Variants in PKP1 observed in about 807,000 individuals in gnomAD.
PKP1 encodes the protein plakophilin 1, also known as plakophilin-1.
PKP1 carries 27 observed loss-of-function variants against 76.4 expected under a neutral mutation model. That is an observed-to-expected ratio of 0.35 (90% CI 0.26 to 0.49). The LOEUF (loss-of-function observed/expected upper bound fraction) is 0.49. Ranked by LOEUF, PKP1 falls within the 20% of genes least tolerant of loss-of-function variation. The probability of loss-of-function intolerance (pLI) is 0.99; values close to 1 mark genes in which losing one functional copy is unlikely to be tolerated. For synonymous variants in PKP1, 404 were observed against 384.2 expected, an observed-to-expected ratio of 1.05 and a Z score of -0.60; for missense variants, 964 against 955.2, an observed-to-expected ratio of 1.01 and a Z score of -0.12.
At position 201,287,967 on chromosome 1, in the gene PKP1, A is replaced by G. The variant is rs1339281241; in HGVS notation, c.202+4063A>G. Among the ~76,000 whole-genome samples the G allele has an allele frequency of 2.0e-5, 3 of 152,226 alleles. No homozygotes were observed. The East Asian group carries it at 5.8e-4, about 29-fold the overall frequency. Reference sequence around the variant, plus strand: ...ACATGTATACACACATAGGTCACACATGCATATATGCATGTATACACAATA... The same window carrying G: ...ACATGTATACACACATAGGTCACACGTGCATATATGCATGTATACACAATA... On this transcript the variant is annotated intron_variant, in intron 1 of 13. Transcript: ENST00000367324.
chr1:201,307,151 G>A lies in PKP1; in HGVS notation c.307-6015G>A, dbSNP rs888785482. Among the ~76,000 whole-genome samples the A allele has an allele frequency of 5.9e-5, 9 of 152,274 alleles. No individual in the cohort carries two copies. The East Asian group carries it at 1.4e-3, about 23-fold the overall frequency. ...GGGCACTGCTGGTCTCGGGGTGCTG[G>A]TGATGGCATTGTGGGTGCAGCTCCC... is the stretch of plus-strand genomic sequence containing the variant. On this transcript the variant is annotated intron_variant, in intron 2 of 13. Coordinates refer to ENST00000367324, the MANE Select transcript of PKP1 (RefSeq NM_001005337.3).
At position 201,322,069 on chromosome 1, in the gene PKP1, C is replaced by T. The variant is rs796851710; in HGVS notation, c.1439C>T (p.Ala480Val). ...CGCTACCGCCAGCTGGAGTATAACGCCCGCAACGCCTACACCGAGAAGTCC... is the reference window on the plus strand; with the variant it reads ...CGCTACCGCCAGCTGGAGTATAACGTCCGCAACGCCTACACCGAGAAGTCC... ...PTRYRQLEYN[A>V]RNAYTEKSST... The change falls in exon 8 of 14, where the codon GCC becomes GTC. Residue 480 changes from alanine (A) to valine (V), a missense_variant. Ala to Val is a moderately conservative substitution (Grantham distance 64, BLOSUM62 0). Coordinates refer to ENST00000367324, the MANE Select transcript of PKP1 (RefSeq NM_001005337.3). 5 of 1,613,470 alleles carry T rather than the reference C, an allele frequency of 3.1e-6. No individual in the cohort carries two copies. Among genetic ancestry groups the T allele is most frequent in the South Asian group, 1.1e-5 (1 of 91,038 alleles).
intron 8 of PKP1, among the ~76,000 whole-genome samples, 182 bp from the exon 9 acceptor site, chr1:201,322,831 C>T (rs939469160): frequency 3.8e-4 from 58 of 152,178 alleles, no homozygotes; most frequent in African/African-American, 1.4e-3. Context: ...GGAGCTGCTG[C>T]AGTGCATAGA....
At chr1:201,314,192 C>T (rs1656656164) in intron 3 of PKP1, among the ~76,000 whole-genome samples, 1 of 152,194 alleles carries the variant, frequency 6.6e-6, no homozygotes, top group African/African-American at 2.4e-5. Context: ...GTGGCTCACG[C>T]CTGTAATCCC....
rs201459638 is a variant in PKP1, at chr1:201,322,068, G to T, written c.1438G>T (p.Ala480Ser). 1.2e-6 allele frequency: 2 copies of T among 1,613,168 alleles called. No homozygotes were observed. The highest frequency in any genetic ancestry group is 1.7e-5 in the Admixed American group (1 of 59,966). Residue 480 changes from alanine to serine, a missense_variant, in exon 8 of 14, where the codon GCC becomes TCC. By Grantham distance (99) the Ala-to-Ser change is moderately conservative. Coordinates refer to ENST00000367324, the MANE Select transcript of PKP1 (RefSeq NM_001005337.3). ...PTRYRQLEYN[A>S]RNAYTEKSST... Reference sequence around the variant, plus strand: ...CCGCTACCGCCAGCTGGAGTATAACGCCCGCAACGCCTACACCGAGAAGTC... The same window carrying T: ...CCGCTACCGCCAGCTGGAGTATAACTCCCGCAACGCCTACACCGAGAAGTC...
At chr1:201,286,005 C>T (rs1424360058) in intron 1 of PKP1, among the ~76,000 whole-genome samples, 3 of 152,236 alleles carry the variant, frequency 2.0e-5, no homozygotes, top group South Asian at 2.1e-4. Flanking sequence ...CTGGAAGAGG[C>T]GGTTTGGTCA....
chr1:201,283,758 A>G lies in PKP1; in HGVS notation c.56A>G (p.Asp19Gly), dbSNP rs1339972669. The change falls in exon 1 of 14, where the codon GAC becomes GGC. Residue 19 changes from aspartate (D) to glycine (G), a missense_variant. Transcript: ENST00000367324. ...ALAYECFQDQ[D>G]NSTLALPSDQ... is the part of the protein sequence containing the mutation. ...GCGTACGAATGCTTCCAGGACCAGG[A>G]CAACTCCACGTTGGCTTTGCCGTCG... The G allele has an allele frequency of 1.2e-6, 2 of 1,614,154 alleles. No homozygotes were observed. The highest frequency in any genetic ancestry group is 1.7e-5 in the Admixed American group (1 of 60,034).
intron 8 of PKP1, among the ~76,000 whole-genome samples, chr1:201,322,405 G>T (rs1656975201): frequency 2.0e-5 from 3 of 152,180 alleles, no homozygotes; most frequent in Admixed American, 1.3e-4. Context: ...TGCAGGCCTT[G>T]GTCTTTCTTC....
At chr1:201,284,466 G>T (rs1206508813) in intron 1 of PKP1, among the ~76,000 whole-genome samples, 1 of 152,336 alleles carries the variant, frequency 6.6e-6, no homozygotes, top group South Asian at 2.1e-4. Flanking sequence ...ATCCGCGAGC[G>T]GGGTGAGGGA....
intron 2 of PKP1, among the ~76,000 whole-genome samples, chr1:201,310,895 G>T: frequency 6.6e-6 from 1 of 152,160 alleles, no homozygotes; most frequent in East Asian, 1.9e-4. Context: ...ATTCCCTGTG[G>T]GCAGCCCACC....
chr1:201,324,945 C>A lies in PKP1; in HGVS notation c.1839C>A (p.Asn613Lys). ...CCCAACTCGTTCCTCTCCCAGGGAACCAGGTGTTCCCGGAGGTGACCAGGC... is the reference window on the plus strand; with the variant it reads ...CCCAACTCGTTCCTCTCCCAGGGAAACAGGTGTTCCCGGAGGTGACCAGGC... The part of the protein sequence containing the change: ...RHPLLHRVMG[N>K]QVFPEVTRLL... Residue 613 changes from asparagine to lysine, a missense_variant, in exon 11 of 14, where the codon AAC (asparagine) becomes AAA (lysine). Physicochemically the swap from Asn to Lys is moderately conservative, Grantham distance 94 (BLOSUM62 0). Transcript: ENST00000367324. The A allele has an allele frequency of 6.2e-7, 1 of 1,613,458 alleles. No homozygotes were observed. Among genetic ancestry groups the A allele is most frequent in the Non-Finnish European group, 8.5e-7 (1 of 1,179,922 alleles).
intron 5 of PKP1, 95 bp from the exon 6 acceptor site, chr1:201,318,523 G>T: frequency 9.6e-7 from 1 of 1,037,824 alleles, no homozygotes; most frequent in Admixed American, 1.7e-5. Flanking sequence ...ATTTCAGTAG[G>T]GCCCATTTGC....
At chr1:201,293,719 T>C (rs1226431155) in intron 1 of PKP1, among the ~76,000 whole-genome samples, 1 of 152,194 alleles carries the variant, frequency 6.6e-6, no homozygotes, top group Non-Finnish European at 1.5e-5. Context: ...ATGAGAGTTT[T>C]AGAGCTGTCC....
intron 1 of PKP1, among the ~76,000 whole-genome samples, 182 bp from the exon 2 acceptor site, chr1:201,293,760 G>C (rs1655993738): frequency 6.6e-6 from 1 of 152,160 alleles, no homozygotes; most frequent in African/African-American, 2.4e-5. Flanking sequence ...CCTTCCCTTG[G>C]TCCCGGCTGT....
chr1:201,287,027 G>A (rs549543843), intron 1 of PKP1, among the ~76,000 whole-genome samples: 1 of 152,172 alleles, frequency 6.6e-6, no homozygotes, highest in Non-Finnish European at 1.5e-5. Flanking sequence ...CCTTTCACCT[G>A]TCCTGTCTCC....
chr1:201,325,869 G>C (rs748590541), intron 12 of PKP1, 31 bp downstream of exon 12: 1 of 1,540,070 alleles, frequency 6.5e-7, no homozygotes, highest in South Asian at 1.1e-5. Flanking sequence ...CCTCTTCTGA[G>C]GTTCTTCCTG....
At chr1:201,296,227 G>A (rs1356576912) in intron 2 of PKP1, among the ~76,000 whole-genome samples, 1 of 152,180 alleles carries the variant, frequency 6.6e-6, no homozygotes, top group Middle Eastern at 3.2e-3. Context: ...GGAGGAAGTG[G>A]AATAATTGAT....
chr1:201,298,319 A>G (rs1320668284), intron 2 of PKP1, among the ~76,000 whole-genome samples: 1 of 152,190 alleles, frequency 6.6e-6, no homozygotes, highest in African/African-American at 2.4e-5. Flanking sequence ...CCTTGATCAC[A>G]TGGGTTTGTC....
intron 4 of PKP1, 37 bp downstream of exon 4, chr1:201,316,734 C>A (rs773294695): frequency 9.3e-6 from 15 of 1,610,760 alleles, no homozygotes; most frequent in Non-Finnish European, 1.2e-5. Flanking sequence ...GGTGGGCCTG[C>A]GGAGGGCCTG....
Sources: allele counts gnomAD v4.1 joint callset (sites outside exome capture counted in the v4.1 genomes callset), GRCh38; gene constraint gnomAD v4.1.1; transcripts MANE v1.5; gene names NCBI Gene and HGNC (gene_info 2026-07-23, HGNC 2026-07-21).